The following EVL variants were observed in gnomAD, a reference collection of about 807,000 sequenced individuals.
The protein encoded by EVL is ena/VASP-like protein.
EVL carries 21 observed loss-of-function variants against 59.6 expected under a neutral mutation model. The observed-to-expected ratio is 0.35, with a 90% CI of 0.25 to 0.51. EVL has a LOEUF of 0.51. EVL is among the 20% of genes least tolerant of loss of function. The pLI is 0.97. For missense variants in EVL, 462 were observed against 546.6 expected, an observed-to-expected ratio of 0.85 and a Z score of 1.54; for synonymous variants, 198 against 203.5, an observed-to-expected ratio of 0.97 and a Z score of 0.23.
intron 1 of EVL, among the ~76,000 whole-genome samples, chr14:100,080,198 CACTAACATTAACAAT>C (rs765420533): frequency 5.9e-5 from 9 of 152,058 alleles, no homozygotes; most frequent in Non-Finnish European, 1.2e-4. Flanking sequence ...ACATAAAATA[CACTAACATTAACAAT>C]AGCTGATGAG....
rs963092515 is a variant in EVL at position 100,144,124 on chromosome 14, C to T, written c.*386C>T. The stretch of plus-strand genomic sequence containing the variant: ...GCCGGCCCAGCGTGGCGCCACCACA[C>T]ACCGCAGAGCTGTCCAGGCACAGCT... On this transcript the variant is annotated 3_prime_UTR_variant, in exon 14 of 14. Transcript: ENST00000392920. 6.7e-6 allele frequency: 2 copies of T among 297,220 alleles called. No individual in the cohort carries two copies. The highest frequency in any genetic ancestry group is 8.4e-5 in the East Asian group (1 of 11,844). The allele number at this position is 297,220 out of a possible 1,614,324, so 18.4% of individuals were successfully genotyped here.
At chr14:100,068,295 A>G (rs2061977423) in intron 1 of EVL, among the ~76,000 whole-genome samples, 1 of 152,198 alleles carries the variant, frequency 6.6e-6, no homozygotes, top group South Asian at 2.1e-4. Flanking sequence ...AGAAAAATAC[A>G]GAGGCTGGAG....
chr14:100,077,358 CAG>C (rs1440577831), intron 1 of EVL, among the ~76,000 whole-genome samples: 3 of 152,196 alleles, frequency 2.0e-5, no homozygotes, highest in Non-Finnish European at 2.9e-5. Context: ...GTTTCAGACT[CAG>C]GGGACTGGGT....
At chr14:100,066,133 A>C (rs1323584430) in intron 1 of EVL, among the ~76,000 whole-genome samples, 1 of 152,194 alleles carries the variant, frequency 6.6e-6, no homozygotes, top group African/African-American at 2.4e-5. Context: ...ACTCTGAAAG[A>C]TTATAGATGA....
chr14:100,028,138 T>TG (rs1555413995), intron 1 of EVL, among the ~76,000 whole-genome samples: 1 of 89,612 alleles, frequency 1.1e-5, no homozygotes, highest in South Asian at 2.7e-4. Flanking sequence ...TTGTTTGTTT[T>TG]TTTTTTTTTT....
At chr14:100,015,802 G>A (rs2061045373) in intron 1 of EVL, among the ~76,000 whole-genome samples, 1 of 152,216 alleles carries the variant, frequency 6.6e-6, no homozygotes, top group Non-Finnish European at 1.5e-5. Flanking sequence ...TGGGCACAGT[G>A]GCTCATGCCT....
At chr14:100,134,394 C>T (rs1479437030) in intron 8 of EVL, among the ~76,000 whole-genome samples, 1 of 152,202 alleles carries the variant, frequency 6.6e-6, no homozygotes, top group Admixed American at 6.5e-5. Context: ...GGAAGAGGAA[C>T]ATTCTTGAAA....
At chr14:100,043,635 C>T (rs1477862985) in intron 1 of EVL, among the ~76,000 whole-genome samples, 2 of 139,816 alleles carry the variant, frequency 1.4e-5, no homozygotes, top group Admixed American at 7.4e-5. Flanking sequence ...CTTTTAGAGA[C>T]AGGGTCTCAC....
chr14:100,053,254 A>G (rs1338311677), intron 1 of EVL, among the ~76,000 whole-genome samples: 3 of 152,222 alleles, frequency 2.0e-5, no homozygotes, highest in Admixed American at 6.5e-5. Context: ...GTCTTATTCT[A>G]TATTTTCTAT....
At chr14:100,052,279 A>G (rs575640612) in intron 1 of EVL, among the ~76,000 whole-genome samples, 4 of 152,342 alleles carry the variant, frequency 2.6e-5, no homozygotes, top group South Asian at 2.1e-4. Context: ...GGCTTTGCCA[A>G]TTATGTTCTA....
At chr14:99,989,348 G>A (rs532899529) in intron 1 of EVL, among the ~76,000 whole-genome samples, 2 of 152,122 alleles carry the variant, frequency 1.3e-5, no homozygotes, top group East Asian at 1.9e-4. Flanking sequence ...GGTCTTCATC[G>A]TTATTAAAAC....
In EVL at chr14:100,006,509, A is replaced by T. The variant is rs531538304; in HGVS notation, c.5+34452A>T. ...ACCATGTTGGCTAGGCTGGTTTTGAACTCCTGACCTCAAGTGATCCACCCG... is the reference window on the plus strand; with the variant it reads ...ACCATGTTGGCTAGGCTGGTTTTGATCTCCTGACCTCAAGTGATCCACCCG... On this transcript the variant is annotated intron_variant, in intron 1 of 13. Coordinates refer to the EVL transcript ENST00000402714. Among the ~76,000 whole-genome samples the T allele has an allele frequency of 9.2e-5, 14 of 151,376 alleles. No homozygotes were observed. In the South Asian group the frequency reaches 2.7e-3, roughly 29 times the overall value.
At chr14:100,133,779 A>G (rs1342445157) in intron 8 of EVL, among the ~76,000 whole-genome samples, 2 of 152,146 alleles carry the variant, frequency 1.3e-5, no homozygotes, top group Non-Finnish European at 2.9e-5. Context: ...CTCTACTAAA[A>G]ATACAAAATT....
At chr14:99,975,226 C>T (rs2060762303) in intron 1 of EVL, 1 of 152,264 alleles carries the variant, frequency 6.6e-6, no homozygotes, top group African/African-American at 2.4e-5. Flanking sequence ...GTTGAGAAGT[C>T]ACTTGTCAGT....
At chr14:100,009,601 T>C (rs889399637) in intron 1 of EVL, among the ~76,000 whole-genome samples, 1 of 152,256 alleles carries the variant, frequency 6.6e-6, no homozygotes, top group African/African-American at 2.4e-5. Context: ...GAAGAAGACA[T>C]TCTCAGATTA....
chr14:99,989,231 C>T (rs2060859881), intron 1 of EVL, among the ~76,000 whole-genome samples: 1 of 152,164 alleles, frequency 6.6e-6, no homozygotes, highest in Non-Finnish European at 1.5e-5. Context: ...GATGGAGTGT[C>T]TCGGTTCCCT....
intron 7 of EVL, among the ~76,000 whole-genome samples, chr14:100,132,133 A>G (rs1888473897): frequency 6.6e-6 from 1 of 151,788 alleles, no homozygotes; most frequent in Non-Finnish European, 1.5e-5. Flanking sequence ...TTTAGAGTAC[A>G]TGAAACGGGG....
intron 3 of EVL, chr14:100,107,054 G>T (rs1312186998): frequency 2.5e-6 from 1 of 398,620 alleles, no homozygotes; most frequent in Non-Finnish European, 4.4e-6. Flanking sequence ...TCAGCAGGTG[G>T]AATGACACCA....
chr14:100,058,668 CG>C (rs1555418026), intron 1 of EVL, among the ~76,000 whole-genome samples: 2 of 151,436 alleles, frequency 1.3e-5, no homozygotes, highest in Non-Finnish European at 2.9e-5. Context: ...TTTTTTTCAT[CG>C]GACCTGGAGA....
Sources: allele counts gnomAD v4.1 joint callset (sites outside exome capture counted in the v4.1 genomes callset), GRCh38; gene constraint gnomAD v4.1.1; transcripts MANE v1.5; gene names NCBI Gene and HGNC (gene_info 2026-07-23, HGNC 2026-07-21).